PCDHA12: variants seen among roughly 807,000 people sequenced by gnomAD.
PCDHA12 encodes the protein protocadherin alpha-12.
A neutral mutation model predicts 60.0 loss-of-function variants in PCDHA12; 44 were observed. The observed-to-expected ratio is 0.73, with a 90% CI of 0.58 to 0.94. The LOEUF is 0.94. PCDHA12 is among the 40% of genes least tolerant of loss of function. The pLI is 0.00. For synonymous variants in PCDHA12, 569 were observed against 553.0 expected (o/e 1.03, Z -0.40); for missense variants, 1,276 against 1,239.7 (o/e 1.03, Z -0.44).
At chr5:141,007,527 C>T (rs1184006315) in intron 3 of PCDHA12, among the ~76,000 whole-genome samples, 1 of 152,070 alleles carries the variant, frequency 6.6e-6, no homozygotes, top group Non-Finnish European at 1.5e-5. Flanking sequence ...GATATCTCGC[C>T]ACTGCACTCC....
At position 140,915,626 on chromosome 5, in the gene PCDHA12, G is replaced by GTCTCTCTCTCTC. The variant is rs57920489; in HGVS notation, c.2367+37806_2367+37817dup. 2.6e-4 allele frequency among the ~76,000 whole-genome samples: 38 copies of GTCTCTCTCTCTC among 146,532 alleles called. No individual in the cohort carries two copies. In the Middle Eastern group the frequency reaches 0.011, roughly 41 times the overall value. Reference sequence around the variant, plus strand: ...ACTTTCTGTCAAACAGTCTCTTTCTGTCTCTCTCTCTCTCTCTCTCTCTCT... The same window carrying GTCTCTCTCTCTC: ...ACTTTCTGTCAAACAGTCTCTTTCTGTCTCTCTCTCTCTCTCTCTCTCTCTCTCTCTCTCTCT... On this transcript the variant is annotated intron_variant, in intron 1 of 3. Coordinates refer to ENST00000398631, the MANE Select transcript of PCDHA12 (RefSeq NM_018903.4).
chr5:140,960,249 T>C (rs2095534563), intron 1 of PCDHA12, among the ~76,000 whole-genome samples: 1 of 152,210 alleles, frequency 6.6e-6, no homozygotes, highest in African/African-American at 2.4e-5. Flanking sequence ...AGAAGCTTCC[T>C]GGAGCTTCTG....
intron 1 of PCDHA12, chr5:140,969,102 T>C: frequency 1.2e-6 from 2 of 1,614,114 alleles, no homozygotes; most frequent in African/African-American, 1.3e-5. Flanking sequence ...CCTCACTTCA[T>C]TGAAGTTCGA....
At chr5:140,997,792 T>C (rs1279010273) in intron 3 of PCDHA12, among the ~76,000 whole-genome samples, 1 of 152,160 alleles carries the variant, frequency 6.6e-6, no homozygotes, top group African/African-American at 2.4e-5. Context: ...TATATTATAA[T>C]TTATCCAATT....
chr5:140,919,593 T>A (rs541275874), intron 1 of PCDHA12, among the ~76,000 whole-genome samples: 1 of 152,332 alleles, frequency 6.6e-6, no homozygotes, highest in South Asian at 2.1e-4. Flanking sequence ...TGGTAATTTT[T>A]AAAATAAATT....
intron 1 of PCDHA12, chr5:140,881,923 AGTGATT>A (rs2058875658): frequency 3.8e-6 from 1 of 262,834 alleles, no homozygotes; most frequent in African/African-American, 2.2e-5. Flanking sequence ...AGCAGAATGC[AGTGATT>A]TGCTGTTTCT....
At position 140,916,615 on chromosome 5, in the gene PCDHA12, T is replaced by C. The variant is rs191815089; in HGVS notation, c.2367+38776T>C. Among the ~76,000 whole-genome samples the C allele has an allele frequency of 2.6e-5, 4 of 152,270 alleles. No homozygotes were observed. In the East Asian group the frequency reaches 5.8e-4, roughly 22 times the overall value. On this transcript the variant is annotated intron_variant, in intron 1 of 3. Transcript: ENST00000398631. ...GGGCCTGGAATGCGGGCCTCATGAC[T>C]CTACTCAATGCCCTATCCTACTGTG...
intron 1 of PCDHA12, among the ~76,000 whole-genome samples, chr5:140,908,277 T>C (rs2073893618): frequency 6.6e-6 from 1 of 152,162 alleles, no homozygotes; most frequent in Non-Finnish European, 1.5e-5. Context: ...CATGAGGCCA[T>C]TGTTGCAAGC....
Position 140,875,946 on chromosome 5 carries a change from T to C in PCDHA12, c.474T>C (p.Ser158=). ...CTCATTTTCCTCTAGAGGGCGCTTC[T>C]GATGCGGATATCGGCGTAAACTCTC... ...LDSHFPLEGA[S]DADIGVNSLL... is the part of the protein sequence containing the mutation. Residue 158 remains serine (S), a synonymous_variant, in exon 1 of 4, where the codon TCT becomes TCC. Coordinates refer to ENST00000398631, the MANE Select transcript of PCDHA12 (RefSeq NM_018903.4). The C allele has an allele frequency of 6.2e-7, 1 of 1,614,222 alleles. No individual in the cohort carries two copies. The highest frequency in any genetic ancestry group is 1.7e-5 in the Admixed American group (1 of 60,030).
At chr5:140,937,911 CAAA>C (rs200797202) in intron 1 of PCDHA12, among the ~76,000 whole-genome samples, 2 of 117,898 alleles carry the variant, frequency 1.7e-5, no homozygotes, top group Non-Finnish European at 1.9e-5. Context: ...GACTCCGTCT[CAAA>C]AAAAAAAAAA....
Position 140,968,743 on chromosome 5 carries a change from C to T in PCDHA12, c.2368-10206C>T, listed in dbSNP as rs112674082. On this transcript the variant is annotated intron_variant, in intron 1 of 3. Coordinates refer to ENST00000398631, the MANE Select transcript of PCDHA12 (RefSeq NM_018903.4). ...AGAGTGGTAGCACTTTCAACCTGAC[C>T]GTGGTGGTCCGAGATAATGGAGAGC... is the stretch of plus-strand genomic sequence containing the variant. The T allele has an allele frequency of 3.4e-5, 55 of 1,614,060 alleles. No individual in the cohort carries two copies. In the African/African-American group the frequency reaches 5.1e-4, roughly 15 times the overall value.
Position 140,875,397 on chromosome 5 carries a change from G to T in PCDHA12, c.-76G>T. On this transcript the variant is annotated 5_prime_UTR_variant, in exon 1 of 4. Transcript: ENST00000398631. Reference sequence around the variant, plus strand: ...TAAATATGTACTTACAGAAAAGGGTGACTGCTCATAAAATACCTCAGGCAA... The same window carrying T: ...TAAATATGTACTTACAGAAAAGGGTTACTGCTCATAAAATACCTCAGGCAA... The T allele has an allele frequency of 1.4e-6, 2 of 1,480,686 alleles. No homozygotes were observed. The highest frequency in any genetic ancestry group is 1.4e-5 in the South Asian group (1 of 70,930). 91.7% of individuals were successfully genotyped at this position (1,480,686 alleles called of 1,614,324 possible).
rs1159995588 is a variant in PCDHA12, at chr5:140,947,341, A to G, written c.2368-31608A>G. ...GGTTGACCATAAATGTGTGGGCTTA[A>G]TTCTGGACTCTATTTCACTCCTTTG... is the stretch of plus-strand genomic sequence containing the variant. On this transcript the variant is annotated intron_variant, in intron 1 of 3. Transcript: ENST00000398631. Among the ~76,000 whole-genome samples the G allele has an allele frequency of 2.6e-5, 4 of 151,804 alleles. No individual in the cohort carries two copies. The South Asian group carries it at 6.2e-4, about 24-fold the overall frequency.
chr5:140,948,349 T>C (rs1262551459), intron 1 of PCDHA12, among the ~76,000 whole-genome samples: 2 of 151,624 alleles, frequency 1.3e-5, no homozygotes, highest in African/African-American at 4.8e-5. Context: ...ATTTCTAACC[T>C]AATAAAATGA....
intron 1 of PCDHA12, chr5:140,929,499 C>T: frequency 1.0e-6 from 1 of 980,264 alleles, no homozygotes; most frequent in Non-Finnish European, 1.4e-6. Context: ...GAAGATTGCC[C>T]TAGGCCTCAA....
rs374146742 is a variant in PCDHA12 at position 140,927,954 on chromosome 5, C to T, written c.2367+50115C>T. ...CGAACCCAGTACCTGAGGACGCTGC[C>T]CCTGGCACAGTGATTGCTCTCTTTA... On this transcript the variant is annotated intron_variant, in intron 1 of 3. Transcript: ENST00000398631. The T allele has an allele frequency of 5.2e-5, 84 of 1,614,080 alleles. No homozygotes were observed. In the African/African-American group the frequency reaches 1.0e-3, roughly 19 times the overall value.
At chr5:140,899,336 A>G (rs2067275819) in intron 1 of PCDHA12, among the ~76,000 whole-genome samples, 1 of 152,130 alleles carries the variant, frequency 6.6e-6, no homozygotes, top group Non-Finnish European at 1.5e-5. Context: ...TTTGTCATAG[A>G]TAGCTCTTAT....
rs782051302 is a variant in PCDHA12, at chr5:140,876,961, C to G, written c.1489C>G (p.Arg497Gly). 16 of 1,613,036 alleles carry G rather than the reference C, an allele frequency of 9.9e-6. No individual in the cohort carries two copies. Among genetic ancestry groups the G allele is most frequent in the South Asian group, 8.8e-5 (8 of 91,038 alleles). Reference protein sequence around the residue: ...NALVSYSLVERRVGEHALSSY... With the variant: ...NALVSYSLVEGRVGEHALSSY... ...GCTGGTGTCCTACTCGCTGGTGGAGCGGCGGGTGGGCGAGCACGCACTGTC... is the reference window on the plus strand; with the variant it reads ...GCTGGTGTCCTACTCGCTGGTGGAGGGGCGGGTGGGCGAGCACGCACTGTC... The change falls in exon 1 of 4, where the codon CGG becomes GGG. Residue 497 changes from arginine to glycine, a missense_variant. Coordinates refer to ENST00000398631, the MANE Select transcript of PCDHA12 (RefSeq NM_018903.4).
rs368324550 is a variant in PCDHA12 at position 140,876,480 on chromosome 5, C to T, written c.1008C>T (p.Val336=). 10 of 1,613,874 alleles carry T rather than the reference C, an allele frequency of 6.2e-6. No homozygotes were observed. Among genetic ancestry groups the T allele is most frequent in the Non-Finnish European group, 8.5e-6 (10 of 1,179,904 alleles). The change falls in exon 1 of 4, where the codon GTC becomes GTT. Residue 336 remains valine, a synonymous_variant. Coordinates refer to ENST00000398631, the MANE Select transcript of PCDHA12 (RefSeq NM_018903.4). ...GIPSMAGHSM[V]LVEVLDVNDN... is the part of the protein sequence containing the mutation. Reference sequence around the variant, plus strand: ...CTTCCATGGCAGGTCACAGCATGGTCCTGGTGGAAGTTCTGGACGTGAATG... The same window carrying T: ...CTTCCATGGCAGGTCACAGCATGGTTCTGGTGGAAGTTCTGGACGTGAATG...
Sources: allele counts gnomAD v4.1 joint callset (sites outside exome capture counted in the v4.1 genomes callset), GRCh38; gene constraint gnomAD v4.1.1; transcripts MANE v1.5; gene names NCBI Gene and HGNC (gene_info 2026-07-23, HGNC 2026-07-21).